CDK14: variants seen among roughly 807,000 people sequenced by gnomAD.
CDK14 encodes the protein cyclin-dependent kinase 14.
CDK14 carries 34 observed loss-of-function variants against 60.7 expected under a neutral mutation model. The observed-to-expected ratio is 0.56, with a 90% confidence interval of 0.43 to 0.75. CDK14 has a LOEUF of 0.75. CDK14 is among the 30% of genes least tolerant of loss of function. CDK14 has a pLI of 0.00. For synonymous variants in CDK14, 197 were observed against 203.7 expected (o/e 0.97, Z 0.28); for missense variants, 482 against 564.1 (o/e 0.85, Z 1.47).
intron 1 of CDK14, among the ~76,000 whole-genome samples, chr7:90,597,955 G>A (rs1376626045): frequency 6.6e-6 from 1 of 151,812 alleles, no homozygotes; most frequent in African/African-American, 2.4e-5. Context: ...GCATGTATTG[G>A]ATATTAATTT....
intron 8 of CDK14, among the ~76,000 whole-genome samples, chr7:90,948,011 T>C (rs1384637025): frequency 2.0e-5 from 3 of 152,214 alleles, no homozygotes; most frequent in African/African-American, 7.2e-5. Context: ...TACATACTTG[T>C]ATAATGTTTT....
At chr7:91,158,604 C>T (rs1248757467) in intron 14 of CDK14, among the ~76,000 whole-genome samples, 9 of 152,072 alleles carry the variant, frequency 5.9e-5, no homozygotes, top group Non-Finnish European at 1.3e-4. Flanking sequence ...ATGAAATATT[C>T]TCTAGTTTTG....
chr7:91,092,581 G>A (rs547404546), intron 12 of CDK14, among the ~76,000 whole-genome samples: 17 of 152,262 alleles, frequency 1.1e-4, no homozygotes, highest in African/African-American at 3.6e-4. Context: ...CAGAAAAATC[G>A]TTTCACTAAA....
chr7:91,019,879 A>G (rs746008282), intron 10 of CDK14, among the ~76,000 whole-genome samples: 2 of 152,156 alleles, frequency 1.3e-5, no homozygotes, highest in African/African-American at 2.4e-5. Context: ...TTCCTATTCC[A>G]TGACCATGCT....
At chr7:91,130,270 C>T (rs1800077081) in intron 14 of CDK14, among the ~76,000 whole-genome samples, 1 of 152,152 alleles carries the variant, frequency 6.6e-6, no homozygotes, top group African/African-American at 2.4e-5. Context: ...GGCACTGCCA[C>T]TCCTCCCACT....
At chr7:90,914,989 G>T (rs1267678947) in intron 7 of CDK14, among the ~76,000 whole-genome samples, 2 of 152,170 alleles carry the variant, frequency 1.3e-5, no homozygotes, top group Non-Finnish European at 2.9e-5. Context: ...TGCAGAGGCT[G>T]CCCTGGGAGC....
chr7:90,648,421 TC>T (rs1299575292), intron 2 of CDK14, among the ~76,000 whole-genome samples: 2 of 152,166 alleles, frequency 1.3e-5, no homozygotes, highest in Non-Finnish European at 2.9e-5. Flanking sequence ...TCACACATTG[TC>T]ATTTCTGTAA....
chr7:91,042,498 C>T (rs1386648903), intron 10 of CDK14, among the ~76,000 whole-genome samples: 3 of 152,146 alleles, frequency 2.0e-5, no homozygotes, highest in Admixed American at 1.3e-4. Context: ...AGGCAGAGTC[C>T]AAGTCCTTAC....
intron 11 of CDK14, among the ~76,000 whole-genome samples, chr7:91,054,088 A>AT (rs10675646): frequency 0.46 from 51,810 of 112,590 alleles, 13,917 homozygotes; most frequent in Non-Finnish European, 0.58. Flanking sequence ...CTGCAAAATA[A>AT]TTTTTTTTTT....
chr7:90,839,917 G>C (rs1013889939), intron 5 of CDK14, among the ~76,000 whole-genome samples: 2 of 152,078 alleles, frequency 1.3e-5, no homozygotes. Context: ...TTGCTTGCTG[G>C]GATGTTTACT....
chr7:91,163,773 C>G (rs939934745), intron 14 of CDK14, among the ~76,000 whole-genome samples: 1 of 152,174 alleles, frequency 6.6e-6, no homozygotes, highest in African/African-American at 2.4e-5. Context: ...CCCTACCCCA[C>G]TCCCAGCTGC....
chr7:90,752,262 A>T (rs1803875804), intron 4 of CDK14, among the ~76,000 whole-genome samples: 1 of 150,280 alleles, frequency 6.7e-6, no homozygotes, highest in Admixed American at 6.7e-5. Context: ...CCACATGCTC[A>T]GTCATAAAGC....
chr7:91,139,423 C>T (rs529525131), intron 14 of CDK14, among the ~76,000 whole-genome samples: 13 of 152,160 alleles, frequency 8.5e-5, no homozygotes, highest in African/African-American at 3.1e-4. Flanking sequence ...TGCATTTTTT[C>T]TAGTGAGTTG....
At position 90,882,262 on chromosome 7, in the gene CDK14, C is replaced by CAAAAA. The variant is rs142619671; in HGVS notation, c.640-17017_640-17013dup. 4.9e-3 allele frequency among the ~76,000 whole-genome samples: 575 copies of CAAAAA among 116,554 alleles called. 15 individuals are homozygous for CAAAAA. The highest frequency in any genetic ancestry group is 0.017 in the African/African-American group (506 of 30,378). 76.5% of individuals were successfully genotyped at this position (116,554 alleles called of 152,430 possible). A position where few individuals can be genotyped will look rare whatever the true frequency, so the allele number is the denominator to read the frequency against. On this transcript the variant is annotated intron_variant, in intron 6 of 14. Coordinates refer to ENST00000380050, the MANE Select transcript of CDK14 (RefSeq NM_001287135.2). The stretch of plus-strand genomic sequence containing the variant: ...GGAAATTTACCAAGCAAATGGAAAG[C>CAAAAA]AAAAAAAAAAAAAAAAGCAGGGATT...
At chr7:91,109,212 G>C (rs754438292) in intron 12 of CDK14, among the ~76,000 whole-genome samples, 34 of 152,050 alleles carry the variant, frequency 2.2e-4, no homozygotes, top group Non-Finnish European at 4.4e-4. Flanking sequence ...TAAGCCTGTT[G>C]CTCTGTGTAA....
intron 8 of CDK14, among the ~76,000 whole-genome samples, chr7:90,940,694 G>A (rs1793898328): frequency 1.3e-5 from 2 of 152,086 alleles, no homozygotes; most frequent in African/African-American, 4.8e-5. Flanking sequence ...GCTGAGGTGG[G>A]AAGGTCGCTT....
At chr7:91,199,088 T>G (rs1367881662) in intron 14 of CDK14, among the ~76,000 whole-genome samples, 1 of 152,192 alleles carries the variant, frequency 6.6e-6, no homozygotes, top group African/African-American at 2.4e-5. Context: ...GTCAGAATCC[T>G]ATTTAATTAA....
chr7:90,984,387 G>A (rs1391894874), intron 10 of CDK14, 146 bp downstream of exon 10: 10 of 620,906 alleles, frequency 1.6e-5, no homozygotes, highest in Admixed American at 5.5e-5. Context: ...CTTTGAAAAA[G>A]CAGGAAATCA....
At chr7:91,144,866 T>G (rs1266510224) in intron 14 of CDK14, among the ~76,000 whole-genome samples, 2 of 152,164 alleles carry the variant, frequency 1.3e-5, no homozygotes, top group African/African-American at 4.8e-5. Flanking sequence ...TTCTAGCATT[T>G]TGTTGCTACT....
Sources: gnomAD v4.1 joint callset for allele counts (sites outside exome capture counted in the v4.1 genomes callset) on GRCh38, gnomAD v4.1.1 for gene constraint, MANE v1.5 for transcripts, NCBI Gene and HGNC (gene_info 2026-07-23, HGNC 2026-07-21) for gene names.